PKHD1: variants seen among roughly 807,000 people sequenced by gnomAD.
The protein encoded by PKHD1 is PKHD1 ciliary IPT domain containing fibrocystin/polyductin.
A neutral mutation model predicts 412.0 loss-of-function variants in PKHD1; 291 were observed. The observed-to-expected ratio is 0.71, with a 90% CI of 0.64 to 0.78. The LOEUF (loss-of-function observed/expected upper bound fraction) is 0.78, where lower values mean the gene tolerates loss of function less well. Among genes scored for constraint, PKHD1 ranks in the 30% least tolerant of loss-of-function variants. The probability of loss-of-function intolerance (pLI) is 0.00; values close to 1 mark genes in which losing one functional copy is unlikely to be tolerated. For synonymous variants in PKHD1, 1,777 were observed against 1,821.5 expected (o/e 0.98, Z 0.62); for missense variants, 4,825 against 4,950.7 (o/e 0.97, Z 0.76).
chr6:52,011,516 C>T (rs1799821521), intron 34 of PKHD1, among the ~76,000 whole-genome samples: 1 of 152,198 alleles, frequency 6.6e-6, no homozygotes. Context: ...CAGAGCAGTG[C>T]TCTCAAGTTT....
At chr6:52,019,079 G>A (rs1221781914) in intron 33 of PKHD1, among the ~76,000 whole-genome samples, 1 of 152,174 alleles carries the variant, frequency 6.6e-6, no homozygotes, top group Non-Finnish European at 1.5e-5. Context: ...GACTGGGAAT[G>A]ATCTTTAACT....
intron 60 of PKHD1, among the ~76,000 whole-genome samples, chr6:51,727,823 C>T (rs1222733760): frequency 6.6e-6 from 1 of 152,168 alleles, no homozygotes; most frequent in Non-Finnish European, 1.5e-5. Context: ...GAAATGGCCT[C>T]TTCCTGGCAC....
At chr6:52,039,610 G>GT (rs757418477) in intron 27 of PKHD1, among the ~76,000 whole-genome samples, 76 of 152,246 alleles carry the variant, frequency 5.0e-4, no homozygotes, top group Non-Finnish European at 9.1e-4. Flanking sequence ...TTATAGCAGT[G>GT]TAAGAATGGA....
At chr6:51,802,607 A>G (rs1449889055) in intron 52 of PKHD1, among the ~76,000 whole-genome samples, 1 of 151,632 alleles carries the variant, frequency 6.6e-6, no homozygotes, top group Non-Finnish European at 1.5e-5. Context: ...AAGAATAATA[A>G]CATGATCAAC....
chr6:52,068,857 A>G (rs868826308), intron 11 of PKHD1, among the ~76,000 whole-genome samples: 46 of 152,314 alleles, frequency 3.0e-4, no homozygotes, highest in African/African-American at 1.1e-3. Flanking sequence ...CACTTTTGAC[A>G]AAGGTAGATT....
intron 49 of PKHD1, 50 bp from the exon 50 acceptor site, chr6:51,848,020 T>C: frequency 8.0e-7 from 1 of 1,252,116 alleles, no homozygotes; most frequent in South Asian, 1.2e-5. Flanking sequence ...AGGAACCCCA[T>C]CATTCCACCT....
At chr6:51,817,459 C>T (rs1246736902) in intron 52 of PKHD1, among the ~76,000 whole-genome samples, 7 of 152,246 alleles carry the variant, frequency 4.6e-5, no homozygotes, top group African/African-American at 1.4e-4. Context: ...ACACTACTTC[C>T]TGCCCTATGA....
chr6:51,989,250 G>A lies in PKHD1; in HGVS notation c.5751+21059C>T, dbSNP rs145830426. Among the ~76,000 whole-genome samples, 1,149 of 152,256 alleles carry A rather than the reference G, an allele frequency of 7.5e-3. 15 individuals are homozygous for A. The highest frequency in any genetic ancestry group is 0.026 in the African/African-American group (1,066 of 41,548). ...AAAGAAAAAACTTATACTAATTAAA[G>A]CCATACTCTTTTAGACAAAAACACT... On this transcript the variant is annotated intron_variant, in intron 35 of 66. Transcript: ENST00000371117.
chr6:51,974,114 A>G (rs1218821929), intron 35 of PKHD1, among the ~76,000 whole-genome samples: 1 of 152,202 alleles, frequency 6.6e-6, no homozygotes, highest in Admixed American at 6.5e-5. Flanking sequence ...ACAGTTTTCT[A>G]TTATTCTACC....
At position 52,084,941 on chromosome 6, in the gene PKHD1, A is replaced by AC; in HGVS notation, c.-9dup. The stretch of plus-strand genomic sequence containing the variant: ...GATCAGCCAGGCAGTCATTCTGTCC[A>AC]CTTAAATCAATACTCTTAAGATTGC... On this transcript the variant is annotated 5_prime_UTR_variant, in exon 2 of 67. Coordinates refer to ENST00000371117, the MANE Select transcript of PKHD1 (RefSeq NM_138694.4). The AC allele has an allele frequency of 6.3e-7, 1 of 1,584,940 alleles. No homozygotes were observed. Among genetic ancestry groups the AC allele is most frequent in the Non-Finnish European group, 8.7e-7 (1 of 1,153,594 alleles).
At chr6:51,770,804 T>C (rs1562273961) in intron 55 of PKHD1, among the ~76,000 whole-genome samples, 2 of 152,080 alleles carry the variant, frequency 1.3e-5, no homozygotes, top group Non-Finnish European at 2.9e-5. Context: ...ATGGTGAAGA[T>C]TCATTTATGT....
intron 52 of PKHD1, among the ~76,000 whole-genome samples, chr6:51,799,159 CCACA>C (rs3062503): frequency 6.6e-6 from 1 of 150,740 alleles, no homozygotes; most frequent in African/African-American, 2.4e-5. Context: ...AAAATTAACA[CCACA>C]CACACACACA....
At chr6:51,849,354 T>C (rs1030749196) in intron 49 of PKHD1, among the ~76,000 whole-genome samples, 1 of 152,228 alleles carries the variant, frequency 6.6e-6, no homozygotes, top group Non-Finnish European at 1.5e-5. Context: ...GCAATAAACA[T>C]ACATGTGCAT....
intron 43 of PKHD1, among the ~76,000 whole-genome samples, chr6:51,896,303 G>A (rs914049738): frequency 2.6e-5 from 4 of 151,890 alleles, no homozygotes; most frequent in Admixed American, 6.6e-5. Flanking sequence ...CTCCCAGCAC[G>A]CAGCTGGAGA....
At chr6:51,953,813 A>G (rs1248011031) in intron 36 of PKHD1, among the ~76,000 whole-genome samples, 2 of 152,108 alleles carry the variant, frequency 1.3e-5, no homozygotes, top group African/African-American at 2.4e-5. Flanking sequence ...GAACTAAAAA[A>G]CAGTTGAGAG....
intron 51 of PKHD1, among the ~76,000 whole-genome samples, chr6:51,833,370 T>A (rs1414060881): frequency 6.6e-6 from 1 of 152,178 alleles, no homozygotes; most frequent in Non-Finnish European, 1.5e-5. Flanking sequence ...ATTTAATTAT[T>A]CTATACCATC....
intron 45 of PKHD1, among the ~76,000 whole-genome samples, chr6:51,883,499 A>C (rs1271098335): frequency 6.6e-6 from 1 of 152,208 alleles, no homozygotes; most frequent in African/African-American, 2.4e-5. Context: ...CATATCTAAA[A>C]TAAACTTGGA....
At chr6:51,729,021 G>A (rs1251013162) in intron 60 of PKHD1, among the ~76,000 whole-genome samples, 3 of 152,222 alleles carry the variant, frequency 2.0e-5, no homozygotes, top group Non-Finnish European at 4.4e-5. Context: ...CAGAAAGACA[G>A]TATATAGCCT....
chr6:51,897,453 A>G (rs971015123), intron 43 of PKHD1, among the ~76,000 whole-genome samples: 28 of 151,714 alleles, frequency 1.8e-4, no homozygotes, highest in African/African-American at 4.4e-4. Context: ...CTTTACAGAC[A>G]AGCAAATGCT....
Sources: allele counts gnomAD v4.1 joint callset (sites outside exome capture counted in the v4.1 genomes callset), GRCh38; gene constraint gnomAD v4.1.1; transcripts MANE v1.5; gene names NCBI Gene and HGNC (gene_info 2026-07-23, HGNC 2026-07-21).